ZNF892: variants seen among roughly 807,000 people sequenced by gnomAD.
ZNF892 encodes zinc finger protein 892.
At chr2:95,221,842 T>G in the ZNF892 span, among the ~76,000 whole-genome samples, 1 of 152,328 alleles carries the variant, frequency 6.6e-6, no homozygotes, top group East Asian at 1.9e-4. Flanking sequence ...TAAAGGTGTT[T>G]GCTATGTTTG....
the ZNF892 span, among the ~76,000 whole-genome samples, chr2:95,234,581 A>G: frequency 2.0e-5 from 3 of 152,196 alleles, no homozygotes; most frequent in Non-Finnish European, 4.4e-5. Context: ...AGTCATGCCT[A>G]TCCAATGAGG....
the ZNF892 span, among the ~76,000 whole-genome samples, chr2:95,217,115 G>A: frequency 6.6e-6 from 1 of 152,190 alleles, no homozygotes. Flanking sequence ...CCTTCTCACT[G>A]TGTCTTCTCA....
At chr2:95,249,226 TA>T in the ZNF892 span, among the ~76,000 whole-genome samples, 35 of 62,250 alleles carry the variant, frequency 5.6e-4, no homozygotes, top group South Asian at 5.0e-3. Flanking sequence ...TATATATATA[TA>T]TATATTTTTT....
chr2:95,224,652 C>T, the ZNF892 span, among the ~76,000 whole-genome samples: 1 of 152,174 alleles, frequency 6.6e-6, no homozygotes, highest in African/African-American at 2.4e-5. Context: ...CAGGTCCCAC[C>T]TCCAACATTG....
chr2:95,220,368 T>A, the ZNF892 span, among the ~76,000 whole-genome samples: 1 of 151,316 alleles, frequency 6.6e-6, no homozygotes, highest in South Asian at 2.1e-4. Flanking sequence ...TTTTTTGGTC[T>A]GTGCCTGTTG....
At chr2:95,215,551 C>T in the ZNF892 span, 1 of 406,252 alleles carries the variant, frequency 2.5e-6, no homozygotes. Flanking sequence ...TATGTCCAAG[C>T]TCTTAGTGAG....
At chr2:95,238,339 A>G in the ZNF892 span, among the ~76,000 whole-genome samples, 3 of 152,334 alleles carry the variant, frequency 2.0e-5, no homozygotes, top group South Asian at 2.1e-4. Context: ...TATAAATGGA[A>G]CAACAAAGCC....
the ZNF892 span, among the ~76,000 whole-genome samples, chr2:95,221,011 C>A: frequency 6.6e-6 from 1 of 152,096 alleles, no homozygotes; most frequent in Admixed American, 6.6e-5. Flanking sequence ...CATATGATAT[C>A]ATAGAGAATC....
At chr2:95,211,678 C>T in the ZNF892 span, 18 of 398,522 alleles carry the variant, frequency 4.5e-5, no homozygotes, top group African/African-American at 2.1e-5. Flanking sequence ...GAACTCTCCT[C>T]AGGGAGATGT....
chr2:95,244,939 C>G, the ZNF892 span, among the ~76,000 whole-genome samples: 1 of 152,126 alleles, frequency 6.6e-6, no homozygotes, highest in Non-Finnish European at 1.5e-5. Flanking sequence ...CTGAATGACT[C>G]TTGGGTAAAT....
the ZNF892 span, among the ~76,000 whole-genome samples, chr2:95,258,444 AG>A: frequency 6.6e-6 from 1 of 152,162 alleles, no homozygotes; most frequent in Admixed American, 6.5e-5. Context: ...TTTGAAACTA[AG>A]GGTGCCAAAT....
chr2:95,207,428 A>T, the ZNF892 span: 1 of 168,890 alleles, frequency 5.9e-6, no homozygotes, highest in Non-Finnish European at 1.3e-5. Flanking sequence ...CAAGAAACGC[A>T]GCCCCGGGAG....
At chr2:95,214,231 C>T in the ZNF892 span, 1 of 396,378 alleles carries the variant, frequency 2.5e-6, no homozygotes, top group East Asian at 3.6e-5. Flanking sequence ...TGTAAATATT[C>T]CTAACAAAGA....
chr2:95,232,482 T>G, the ZNF892 span, among the ~76,000 whole-genome samples: 1 of 152,220 alleles, frequency 6.6e-6, no homozygotes, highest in South Asian at 2.1e-4. Context: ...GCCTAGTGGC[T>G]GAGCAGAATG....
At chr2:95,216,709 T>A in the ZNF892 span, among the ~76,000 whole-genome samples, 1 of 152,232 alleles carries the variant, frequency 6.6e-6, no homozygotes, top group African/African-American at 2.4e-5. Flanking sequence ...CTATGATGTA[T>A]CTTGGTGTGA....
chr2:95,228,514 C>T, the ZNF892 span, among the ~76,000 whole-genome samples: 1 of 152,202 alleles, frequency 6.6e-6, no homozygotes, highest in South Asian at 2.1e-4. Flanking sequence ...ACTTTGTTCA[C>T]ATGTTGTCCA....
the ZNF892 span, among the ~76,000 whole-genome samples, chr2:95,249,012 GCTCAAGTAATCCTCCTGCCTCAGCCT>G: frequency 6.6e-6 from 1 of 151,620 alleles, no homozygotes; most frequent in African/African-American, 2.4e-5. Context: ...GAACTCCTGG[GCTCAAGTAATCCTCCTGCCTCAGCCT>G]CCCAAGTAGC....
chr2:95,258,488 A>G, the ZNF892 span, among the ~76,000 whole-genome samples: 1 of 152,160 alleles, frequency 6.6e-6, no homozygotes, highest in Non-Finnish European at 1.5e-5. Flanking sequence ...TAAATTGGGA[A>G]TGGACGTGGG....
the ZNF892 span, among the ~76,000 whole-genome samples, chr2:95,219,253 G>T: frequency 6.6e-6 from 1 of 151,488 alleles, no homozygotes; most frequent in Admixed American, 6.6e-5. Flanking sequence ...TGATCCGCCC[G>T]CTTCGGCCTC....
Sources: allele counts gnomAD v4.1 joint callset (sites outside exome capture counted in the v4.1 genomes callset), GRCh38; gene constraint gnomAD v4.1.1; transcripts MANE v1.5; gene names NCBI Gene and HGNC (gene_info 2026-07-23, HGNC 2026-07-21).